TCEANC2: variants seen among roughly 807,000 people sequenced by gnomAD.
The protein encoded by TCEANC2 is transcription elongation factor A N-terminal and central domain-containing protein 2.
A neutral mutation model predicts 22.8 loss-of-function variants in TCEANC2; 20 were observed. That is an observed-to-expected ratio of 0.88 (90% CI 0.62 to 1.28). TCEANC2 has a LOEUF of 1.28. Ranked by LOEUF, TCEANC2 falls within the 50% of genes most tolerant of loss-of-function variation. The pLI, the probability that TCEANC2 is intolerant of heterozygous loss-of-function variation, is 0.00. For synonymous variants in TCEANC2, 84 were observed against 95.5 expected, an observed-to-expected ratio of 0.88 and a Z score of 0.70; for missense variants, 251 against 249.7, an observed-to-expected ratio of 1.01 and a Z score of -0.03.
intron 4 of TCEANC2, among the ~76,000 whole-genome samples, chr1:54,089,537 C>T (rs187720509): frequency 1.9e-4 from 29 of 152,184 alleles, no homozygotes; most frequent in Admixed American, 7.9e-4. Flanking sequence ...TCTTATAAGC[C>T]GATTAATACT....
Position 54,096,168 on chromosome 1 carries a change from G to C in TCEANC2, c.439-117G>C, listed in dbSNP as rs993921007. On this transcript the variant is annotated intron_variant, in intron 4 of 4. Coordinates refer to ENST00000234827, the MANE Select transcript of TCEANC2 (RefSeq NM_153035.3). This position sits in a 1 kb window ranked among gnomAD's most constrained non-coding sequence, Gnocchi z 4.9. ...CCTGTTTCTCTTGTGACAGGAAGTA[G>C]ATGTCCTTGAATTTCAGTTGATTAA... is the stretch of plus-strand genomic sequence containing the variant. 1 of 1,397,892 alleles carries C rather than the reference G, an allele frequency of 7.2e-7. No individual in the cohort carries two copies. Among genetic ancestry groups the C allele is most frequent in the Non-Finnish European group, 9.5e-7 (1 of 1,055,354 alleles). 86.6% of individuals were successfully genotyped at this position (1,397,892 alleles called of 1,614,324 possible). A position where few individuals can be genotyped will look rare whatever the true frequency, so the allele number is the denominator to read the frequency against.
intron 4 of TCEANC2, among the ~76,000 whole-genome samples, chr1:54,095,132 G>C (rs1658521133): frequency 6.6e-6 from 1 of 152,210 alleles, no homozygotes; most frequent in African/African-American, 2.4e-5. Flanking sequence ...GTGACAGAGT[G>C]AGACAGTATC....
Position 54,104,885 on chromosome 1 carries a change from G to A in TCEANC2, c.*8412G>A, listed in dbSNP as rs76120332. 5.4e-4 allele frequency: 164 copies of A among 302,040 alleles called. No homozygotes were observed. Among genetic ancestry groups the A allele is most frequent in the African/African-American group, 3.0e-3 (140 of 45,906 alleles). 18.7% of individuals were successfully genotyped at this position (302,040 alleles called of 1,614,324 possible). A position where few individuals can be genotyped will look rare whatever the true frequency, so the allele number is the denominator to read the frequency against. Reference sequence around the variant, plus strand: ...AAATAATTATACAAGTGCCCAGACCGTGACCTGAGCAGGATATGCTGACTT... The same window carrying A: ...AAATAATTATACAAGTGCCCAGACCATGACCTGAGCAGGATATGCTGACTT... On this transcript the variant is annotated 3_prime_UTR_variant, in exon 5 of 5. Coordinates refer to ENST00000234827, the MANE Select transcript of TCEANC2 (RefSeq NM_153035.3).
Position 54,096,403 on chromosome 1 carries a change from C to T in TCEANC2, c.557C>T (p.Ala186Val). The change falls in exon 5 of 5, where the codon GCT (alanine) becomes GTT (valine). Residue 186 changes from alanine (A) to valine (V), a missense_variant. Coordinates refer to ENST00000234827, the MANE Select transcript of TCEANC2 (RefSeq NM_153035.3). The surrounding 1 kb of genome is among the most constrained non-coding windows in gnomAD (Gnocchi z 4.9). The part of the protein sequence containing the change: ...RALVFTLKHR[A>V]EIRAQVKSGS... ...CTGGTCTTCACATTAAAGCACCGAG[C>T]TGAAATCCGGGCTCAGGTGAAGAGC... 1.2e-6 allele frequency: 2 copies of T among 1,613,620 alleles called. No homozygotes were observed. The highest frequency in any genetic ancestry group is 1.7e-6 in the Non-Finnish European group (2 of 1,179,470).
intron 4 of TCEANC2, 106 bp downstream of exon 4, chr1:54,088,896 T>A: frequency 1.5e-6 from 1 of 654,248 alleles, no homozygotes; most frequent in Non-Finnish European, 2.3e-6. Flanking sequence ...TAGGTGCTCT[T>A]GGTTAAACGC....
chr1:54,090,184 T>C (rs554733160), intron 4 of TCEANC2: 1 of 282,156 alleles, frequency 3.5e-6, no homozygotes, highest in African/African-American at 2.2e-5. Context: ...CATTAAGATA[T>C]GGCATTATTG....
intron 1 of TCEANC2, 188 bp from the exon 2 acceptor site, chr1:54,054,193 A>T: frequency 7.2e-7 from 1 of 1,395,008 alleles, no homozygotes; most frequent in Non-Finnish European, 9.5e-7. Flanking sequence ...ACGTAGACTG[A>T]TGATTGATTA....
chr1:54,058,760 G>T (rs1318322821), intron 2 of TCEANC2, among the ~76,000 whole-genome samples: 1 of 152,130 alleles, frequency 6.6e-6, no homozygotes, highest in East Asian at 1.9e-4. Flanking sequence ...GGGTTGAAGC[G>T]ATTCTCCTGC....
rs1658604810 is a variant in TCEANC2, at chr1:54,098,854, T to G, written c.*2381T>G. On this transcript the variant is annotated 3_prime_UTR_variant, in exon 5 of 5. Coordinates refer to ENST00000234827, the MANE Select transcript of TCEANC2 (RefSeq NM_153035.3). ...AAATTTCAAAATTAAAGGGCAGGAG[T>G]AATTAATTGGGTGGTTGAGATGCAT... 6.6e-6 allele frequency: 1 copy of G among 151,766 alleles called. No individual in the cohort carries two copies. The highest frequency in any genetic ancestry group is 1.5e-5 in the Non-Finnish European group (1 of 67,964). The allele number at this position is 151,766 out of a possible 1,614,324, so 9.4% of individuals were successfully genotyped here. A position where few individuals can be genotyped will look rare whatever the true frequency, so the allele number is the denominator to read the frequency against.
At position 54,101,465 on chromosome 1, in the gene TCEANC2, T is replaced by G. The variant is rs1288789583; in HGVS notation, c.*4992T>G. The G allele has an allele frequency of 6.6e-6, 1 of 152,186 alleles. No homozygotes were observed. Among genetic ancestry groups the G allele is most frequent in the East Asian group, 1.9e-4 (1 of 5,202 alleles). 9.4% of individuals were successfully genotyped at this position (152,186 alleles called of 1,614,324 possible). A position where few individuals can be genotyped will look rare whatever the true frequency, so the allele number is the denominator to read the frequency against. On this transcript the variant is annotated 3_prime_UTR_variant, in exon 5 of 5. Transcript: ENST00000234827. ...TTCAAGATCCAAGAAGATCAAGACATCCAATCAAATGCTGGTTTTTAATGT... is the reference window on the plus strand; with the variant it reads ...TTCAAGATCCAAGAAGATCAAGACAGCCAATCAAATGCTGGTTTTTAATGT...
intron 3 of TCEANC2, among the ~76,000 whole-genome samples, chr1:54,087,068 T>C (rs1658352022): frequency 6.6e-6 from 1 of 152,228 alleles, no homozygotes; most frequent in African/African-American, 2.4e-5. Context: ...TATTGCTGAC[T>C]TAAGAAAGCT....
At chr1:54,110,215 C>T (rs1252877012), downstream of TCEANC2, among the ~76,000 whole-genome samples, 1 of 152,180 alleles carries the variant, frequency 6.6e-6, no homozygotes, top group Non-Finnish European at 1.5e-5. Context: ...TTCTTGGGAG[C>T]CCCTTGTCCC....
chr1:54,084,972 C>A (rs1437055151), intron 3 of TCEANC2, among the ~76,000 whole-genome samples: 3 of 152,158 alleles, frequency 2.0e-5, no homozygotes, highest in Non-Finnish European at 2.9e-5. Context: ...CATTGGAATG[C>A]ACTTTCCTAA....
In TCEANC2 at chr1:54,068,687, G is replaced by A. The variant is rs1049717141; in HGVS notation, c.103-69G>A. The A allele has an allele frequency of 1.4e-5, 21 of 1,484,254 alleles. No homozygotes were observed. In the African/African-American group the frequency reaches 2.8e-4, roughly 20 times the overall value. 91.9% of individuals were successfully genotyped at this position (1,484,254 alleles called of 1,614,324 possible). A position where few individuals can be genotyped will look rare whatever the true frequency, so the allele number is the denominator to read the frequency against. ...TCATATGTCAATAGGAGCCCCATTA[G>A]CTCAGGTGAAGGCAGATGTCTTTCT... On this transcript the variant is annotated intron_variant, in intron 2 of 4. Transcript: ENST00000234827.
chr1:54,056,284 A>C (rs1157934590), intron 2 of TCEANC2, among the ~76,000 whole-genome samples: 2 of 152,006 alleles, frequency 1.3e-5, no homozygotes, highest in Non-Finnish European at 2.9e-5. Flanking sequence ...CTACACCTAC[A>C]AACACCCATA....
chr1:54,068,609 T>A, intron 2 of TCEANC2, 147 bp from the exon 3 acceptor site: 1 of 700,898 alleles, frequency 1.4e-6, no homozygotes. Flanking sequence ...CAATTACCCA[T>A]CATTTGGGGC....
rs1260735363 is a variant in TCEANC2 at position 54,097,689 on chromosome 1, ATTG to A, written c.*1222_*1224del. ...CTCTCACCCATTGTATTAAGTAGGT[ATTG>A]TTGTTTTCATTTTTTAGATTTATTC... On this transcript the variant is annotated 3_prime_UTR_variant, in exon 5 of 5. Transcript: ENST00000234827. 2.0e-5 allele frequency: 3 copies of A among 152,122 alleles called. No individual in the cohort carries two copies. The highest frequency in any genetic ancestry group is 6.5e-5 in the Admixed American group (1 of 15,270). The allele number at this position is 152,122 out of a possible 1,614,324, so 9.4% of individuals were successfully genotyped here.
intron 4 of TCEANC2, among the ~76,000 whole-genome samples, chr1:54,091,641 C>T (rs998241276): frequency 6.6e-6 from 1 of 152,146 alleles, no homozygotes; most frequent in African/African-American, 2.4e-5. Flanking sequence ...TTTCTAGATT[C>T]ATGGATTATT....
chr1:54,054,434 C>A lies in TCEANC2; in HGVS notation c.12C>A (p.Phe4Leu), dbSNP rs1329527200. 3 of 1,613,812 alleles carry A rather than the reference C, an allele frequency of 1.9e-6. No homozygotes were observed. Among genetic ancestry groups the A allele is most frequent in the Non-Finnish European group, 2.5e-6 (3 of 1,179,990 alleles). MDK[F>L]VIRTPRIQNS... is the part of the protein sequence containing the mutation. The stretch of plus-strand genomic sequence containing the variant: ...GGAGTCCCCTAACAATGGATAAATT[C>A]GTCATTCGAACGCCTAGAATCCAGA... The change falls in exon 2 of 5, where the codon TTC (phenylalanine) becomes TTA (leucine). Residue 4 changes from phenylalanine (F) to leucine (L), a missense_variant. Coordinates refer to ENST00000234827, the MANE Select transcript of TCEANC2 (RefSeq NM_153035.3).
Sources: gnomAD v4.1 joint callset for allele counts (sites outside exome capture counted in the v4.1 genomes callset) on GRCh38, gnomAD v4.1.1 for gene constraint, Gnocchi (gnomAD v3.1) non-coding constraint, MANE v1.5 for transcripts, NCBI Gene and HGNC (gene_info 2026-07-23, HGNC 2026-07-21) for gene names.